Variants in BNC2 observed in about 807,000 individuals in gnomAD.
The protein encoded by BNC2 is zinc finger protein basonuclin-2.
In BNC2, 20 loss-of-function variants were observed where a neutral mutation model predicts 76.3. The ratio of observed to expected loss-of-function variants is 0.26; its 90% CI spans 0.18 to 0.38. The LOEUF (loss-of-function observed/expected upper bound fraction) is 0.38. Ranked by LOEUF, BNC2 falls within the 10% of genes least tolerant of loss-of-function variation. The pLI, the probability that BNC2 is intolerant of heterozygous loss-of-function variation, is 1.00. For missense variants in BNC2, 1,382 were observed against 1,399.8 expected (o/e 0.99, Z 0.20); for synonymous variants, 582 against 514.8 (o/e 1.13, Z -1.77).
chr9:16,730,193 C>G (rs1824465772), intron 2 of BNC2, among the ~76,000 whole-genome samples: 1 of 152,112 alleles, frequency 6.6e-6, no homozygotes, highest in Admixed American at 6.5e-5. Flanking sequence ...TGTTATTCTG[C>G]AAGACTTGAA....
At chr9:16,504,181 T>G (rs947693129) in intron 5 of BNC2, among the ~76,000 whole-genome samples, 2 of 151,784 alleles carry the variant, frequency 1.3e-5, no homozygotes, top group African/African-American at 4.9e-5. Flanking sequence ...ACACTGTATG[T>G]GAAAATGCTT....
At chr9:16,780,566 G>A (rs1015043740) in intron 1 of BNC2, among the ~76,000 whole-genome samples, 29 of 136,452 alleles carry the variant, frequency 2.1e-4, no homozygotes, top group African/African-American at 8.3e-4. Context: ...GCAAGACTCC[G>A]CCTTAAAAAA....
chr9:16,740,833 G>C (rs902160480), intron 1 of BNC2, among the ~76,000 whole-genome samples: 1 of 151,948 alleles, frequency 6.6e-6, no homozygotes, highest in Non-Finnish European at 1.5e-5. Flanking sequence ...CAAATGAAAA[G>C]GGTGCCCCTG....
At chr9:16,718,499 G>C (rs1173792407) in intron 3 of BNC2, among the ~76,000 whole-genome samples, 1 of 152,132 alleles carries the variant, frequency 6.6e-6, no homozygotes, top group Non-Finnish European at 1.5e-5. Context: ...TGCTAGAAAG[G>C]GAAATAATGA....
intron 2 of BNC2, among the ~76,000 whole-genome samples, chr9:16,731,496 A>G (rs1201617745): frequency 6.6e-6 from 1 of 152,170 alleles, no homozygotes; most frequent in African/African-American, 2.4e-5. Context: ...AAGAAACTCA[A>G]AAGCATTTTA....
intron 3 of BNC2, among the ~76,000 whole-genome samples, chr9:16,686,886 C>G (rs1822994197): frequency 6.6e-6 from 1 of 152,186 alleles, no homozygotes; most frequent in South Asian, 2.1e-4. Context: ...TTTTATTCTT[C>G]TTTACTAGGC....
intron 5 of BNC2, among the ~76,000 whole-genome samples, chr9:16,491,005 A>G (rs570249011): frequency 1.3e-5 from 2 of 152,158 alleles, no homozygotes; most frequent in East Asian, 3.9e-4. Context: ...GCTCCATATG[A>G]GCAGAGGTGT....
chr9:16,849,807 A>T (rs1282886375), intron 1 of BNC2, among the ~76,000 whole-genome samples: 2 of 152,216 alleles, frequency 1.3e-5, no homozygotes, highest in African/African-American at 4.8e-5. Flanking sequence ...TATTACCTCA[A>T]ACCATAACTT....
chr9:16,867,882 A>G (rs1421621040), intron 1 of BNC2: 2 of 152,188 alleles, frequency 1.3e-5, no homozygotes, highest in African/African-American at 2.4e-5. Context: ...GCACCAGGTC[A>G]GCGTGTGGAG....
intron 2 of BNC2, chr9:16,728,250 C>A (rs556364660): frequency 3.6e-6 from 2 of 556,104 alleles, no homozygotes; most frequent in South Asian, 4.0e-5. Context: ...GGAGACCCAA[C>A]CATCAGCTTC....
intron 4 of BNC2, chr9:16,580,185 T>C (rs1819594790): frequency 7.5e-6 from 3 of 398,384 alleles, no homozygotes; most frequent in South Asian, 2.5e-4. Flanking sequence ...TTAGTTGTAA[T>C]GCTAGGGGCA....
chr9:16,858,861 A>G (rs1167425210), intron 1 of BNC2, among the ~76,000 whole-genome samples: 1 of 152,094 alleles, frequency 6.6e-6, no homozygotes, highest in African/African-American at 2.4e-5. Flanking sequence ...AAAAAGAAAA[A>G]AAGAAAAAAG....
At chr9:16,755,542 C>A (rs1825360405) in intron 1 of BNC2, among the ~76,000 whole-genome samples, 1 of 152,128 alleles carries the variant, frequency 6.6e-6, no homozygotes, top group Admixed American at 6.5e-5. Context: ...ACCCCCCCAT[C>A]CTTTCTTCCC....
At chr9:16,769,794 C>T (rs532518208) in intron 1 of BNC2, among the ~76,000 whole-genome samples, 2 of 152,272 alleles carry the variant, frequency 1.3e-5, no homozygotes, top group Admixed American at 1.3e-4. Context: ...AGCTCTGCCA[C>T]CACTTACAAG....
chr9:16,513,473 AT>A (rs1365708160), intron 5 of BNC2, among the ~76,000 whole-genome samples: 1 of 151,670 alleles, frequency 6.6e-6, no homozygotes, highest in African/African-American at 2.4e-5. Flanking sequence ...TGCCCCGCTA[AT>A]TTTTTGTATT....
At chr9:16,861,056 C>G (rs1819394369) in intron 1 of BNC2, among the ~76,000 whole-genome samples, 1 of 150,424 alleles carries the variant, frequency 6.6e-6, no homozygotes, top group Non-Finnish European at 1.5e-5. Flanking sequence ...AAAAAGACAG[C>G]TGCGCACAGT....
intron 1 of BNC2, among the ~76,000 whole-genome samples, chr9:16,869,608 TG>T (rs1232713798): frequency 6.6e-6 from 1 of 152,060 alleles, no homozygotes; most frequent in Non-Finnish European, 1.5e-5. Flanking sequence ...GATCCCCAAG[TG>T]GGGGTAACAA....
intron 3 of BNC2, among the ~76,000 whole-genome samples, chr9:16,606,022 G>A (rs1351767191): frequency 6.6e-6 from 1 of 152,096 alleles, no homozygotes; most frequent in East Asian, 1.9e-4. Flanking sequence ...GGGATTACAG[G>A]CGTGACCCAT....
intron 3 of BNC2, among the ~76,000 whole-genome samples, chr9:16,693,647 T>C (rs192033249): frequency 1.5e-4 from 23 of 152,162 alleles, no homozygotes; most frequent in Admixed American, 6.5e-5. Flanking sequence ...TTAGAAAAGA[T>C]ATAACTTAAA....
Sources: gnomAD v4.1 joint callset for allele counts (sites outside exome capture counted in the v4.1 genomes callset) on GRCh38, gnomAD v4.1.1 for gene constraint, MANE v1.5 for transcripts, NCBI Gene and HGNC (gene_info 2026-07-23, HGNC 2026-07-21) for gene names.